Variants in CORIN observed in about 807,000 individuals in gnomAD.
The protein encoded by CORIN is corin, serine peptidase.
In CORIN, 117 loss-of-function variants were observed where a neutral mutation model predicts 125.3. The observed-to-expected ratio is 0.93, with a 90% CI of 0.80 to 1.09. The LOEUF is 1.09. Ranked by LOEUF, CORIN falls within the 50% of genes least tolerant of loss-of-function variation. The pLI is 0.00. For missense variants in CORIN, 1,253 were observed against 1,306.7 expected, an observed-to-expected ratio of 0.96 and a Z score of 0.63; for synonymous variants, 450 against 466.4, an observed-to-expected ratio of 0.96 and a Z score of 0.45.
At chr4:47,701,067 G>T (rs1726272587) in intron 5 of CORIN, among the ~76,000 whole-genome samples, 1 of 152,182 alleles carries the variant, frequency 6.6e-6, no homozygotes, top group Admixed American at 6.5e-5. Context: ...CATATGATAG[G>T]TGGTTGGTAA....
At chr4:47,688,815 T>A (rs1349000649) in intron 6 of CORIN, among the ~76,000 whole-genome samples, 3 of 152,184 alleles carry the variant, frequency 2.0e-5, no homozygotes, top group African/African-American at 4.8e-5. Context: ...TACAAAAAAG[T>A]AAAATTTGCA....
At chr4:47,597,978 A>T (rs1721315658) in intron 21 of CORIN, among the ~76,000 whole-genome samples, 1 of 152,184 alleles carries the variant, frequency 6.6e-6, no homozygotes, top group Non-Finnish European at 1.5e-5. Flanking sequence ...GGAATAAAAA[A>T]TGCCTTCCTG....
intron 20 of CORIN, among the ~76,000 whole-genome samples, 195 bp from the exon 21 acceptor site, chr4:47,600,542 T>C (rs1392962205): frequency 6.6e-6 from 1 of 152,200 alleles, no homozygotes; most frequent in African/African-American, 2.4e-5. Context: ...GAAGCATTCA[T>C]AGCAATTATC....
intron 17 of CORIN, 135 bp from the exon 18 acceptor site, chr4:47,624,083 TA>T: frequency 1.4e-6 from 1 of 733,858 alleles, no homozygotes; most frequent in Non-Finnish European, 2.3e-6. Flanking sequence ...TTTCCTGTGT[TA>T]CCACAGGAAA....
chr4:47,665,246 T>C lies in CORIN; in HGVS notation c.1375A>G (p.Thr459Ala), dbSNP rs146900413. Residue 459 changes from threonine (T) to alanine (A), a missense_variant, in exon 11 of 22, where the codon ACA (threonine) becomes GCA (alanine). Thr to Ala is a moderately conservative substitution (Grantham distance 58, BLOSUM62 0). Coordinates refer to ENST00000273857, the MANE Select transcript of CORIN (RefSeq NM_006587.4). ...GGCAAATTCATGCAGAGTTCCAATG[T>C]AATTGGTTCACATTGACCTAACAAA... Reference protein sequence around the residue: ...LNNCSQCEPITLELCMNLPYN... With the variant: ...LNNCSQCEPIALELCMNLPYN... 2 of 1,612,186 alleles carry C rather than the reference T, an allele frequency of 1.2e-6. No homozygotes were observed. The highest frequency in any genetic ancestry group is 1.7e-6 in the Non-Finnish European group (2 of 1,178,342).
chr4:47,783,325 A>C (rs1730635397), intron 3 of CORIN, among the ~76,000 whole-genome samples: 1 of 152,130 alleles, frequency 6.6e-6, no homozygotes. Flanking sequence ...TTTGTTTTCA[A>C]AATGTAACTA....
At chr4:47,786,692 A>G in intron 3 of CORIN, 33 bp downstream of exon 3, 1 of 1,567,164 alleles carries the variant, frequency 6.4e-7, no homozygotes, top group Admixed American at 1.7e-5. Flanking sequence ...TGGGACATTA[A>G]AAGCCTCTAG....
chr4:47,713,053 G>A (rs1553912773), intron 5 of CORIN, among the ~76,000 whole-genome samples: 1 of 151,828 alleles, frequency 6.6e-6, no homozygotes, highest in African/African-American at 2.4e-5. Flanking sequence ...AAACTGAGAG[G>A]AAAAATGGGC....
At chr4:47,623,991 T>C in intron 17 of CORIN, 43 bp from the exon 18 acceptor site, 3 of 1,545,684 alleles carry the variant, frequency 1.9e-6, no homozygotes, top group Non-Finnish European at 2.7e-6. Context: ...AAGTTACATA[T>C]TTCTTGTTCA....
chr4:47,769,536 T>C (rs989006505), intron 3 of CORIN, among the ~76,000 whole-genome samples: 4 of 152,002 alleles, frequency 2.6e-5, no homozygotes, highest in African/African-American at 7.2e-5. Flanking sequence ...CTAGAATTCA[T>C]ATGGAAACAC....
chr4:47,832,839 C>G (rs1250000661), intron 1 of CORIN, among the ~76,000 whole-genome samples: 2 of 152,176 alleles, frequency 1.3e-5, no homozygotes, highest in Non-Finnish European at 2.9e-5. Flanking sequence ...GATCATGTAT[C>G]TGTGCTGCCC....
intron 1 of CORIN, among the ~76,000 whole-genome samples, chr4:47,812,134 G>A (rs1379450615): frequency 3.3e-5 from 5 of 152,144 alleles, no homozygotes; most frequent in African/African-American, 1.2e-4. Context: ...ATTTGTTGCT[G>A]TAGTGCAAAG....
chr4:47,829,490 CATCAGGGCAAATT>C (rs1425863504), intron 1 of CORIN, among the ~76,000 whole-genome samples: 17 of 152,262 alleles, frequency 1.1e-4, no homozygotes, highest in Admixed American at 5.2e-4. Context: ...TTCTGTGAGC[CATCAGGGCAAATT>C]ATCAAACCTG....
At chr4:47,657,377 C>G (rs1476470950) in intron 12 of CORIN, among the ~76,000 whole-genome samples, 1 of 150,892 alleles carries the variant, frequency 6.6e-6, no homozygotes, top group Non-Finnish European at 1.5e-5. Context: ...ACTAAAAATA[C>G]AAAAAAAATT....
intron 6 of CORIN, among the ~76,000 whole-genome samples, chr4:47,686,958 A>G (rs750647225): frequency 1.3e-5 from 2 of 152,144 alleles, no homozygotes; most frequent in Non-Finnish European, 2.9e-5. Context: ...CCATTCTAGG[A>G]CCCCTGGTAA....
At chr4:47,739,668 T>C (rs1353106017) in intron 5 of CORIN, among the ~76,000 whole-genome samples, 7 of 150,240 alleles carry the variant, frequency 4.7e-5, no homozygotes, top group Admixed American at 2.0e-4. Context: ...ATGTATTTTT[T>C]CTATAAATCT....
intron 21 of CORIN, among the ~76,000 whole-genome samples, chr4:47,596,322 C>T (rs1260448686): frequency 6.6e-6 from 1 of 152,122 alleles, no homozygotes; most frequent in East Asian, 1.9e-4. Context: ...CACAGTACTG[C>T]AAACATATTC....
At position 47,772,944 on chromosome 4, in the gene CORIN, T is replaced by C. The variant is rs574486623; in HGVS notation, c.410-9358A>G. Reference sequence around the variant, plus strand: ...TTTATAAAGGGAATAATTATTCATTTATATAGGAACAAAATTCAAAATTGA... The same window carrying C: ...TTTATAAAGGGAATAATTATTCATTCATATAGGAACAAAATTCAAAATTGA... On this transcript the variant is annotated intron_variant, in intron 3 of 21. Coordinates refer to ENST00000273857, the MANE Select transcript of CORIN (RefSeq NM_006587.4). 2.8e-3 allele frequency among the ~76,000 whole-genome samples: 425 copies of C among 152,284 alleles called. 4 individuals are homozygous for C. Among genetic ancestry groups the C allele is most frequent in the African/African-American group, 9.4e-3 (389 of 41,572 alleles).
At chr4:47,713,242 T>C (rs1456354858) in intron 5 of CORIN, among the ~76,000 whole-genome samples, 1 of 152,196 alleles carries the variant, frequency 6.6e-6, no homozygotes, top group Non-Finnish European at 1.5e-5. Flanking sequence ...TCTAGAGCAT[T>C]GTCATCAGAA....
Sources: gnomAD v4.1 joint callset for allele counts (sites outside exome capture counted in the v4.1 genomes callset) on GRCh38, gnomAD v4.1.1 for gene constraint, MANE v1.5 for transcripts, NCBI Gene and HGNC (gene_info 2026-07-23, HGNC 2026-07-21) for gene names.